The following C9orf85 variants were observed in gnomAD, a reference collection of about 807,000 sequenced individuals.
C9orf85 encodes the protein chromosome 9 open reading frame 85, also known as uncharacterized protein C9orf85.
Under a neutral mutation model 14.9 loss-of-function variants are expected in C9orf85, and 16 were observed. That is an observed-to-expected ratio of 1.08 (90% CI 0.73 to 1.63). C9orf85 has a LOEUF of 1.63. Among genes scored for constraint, C9orf85 ranks in the 40% most tolerant of loss-of-function variants. The pLI is 0.00. For synonymous variants in C9orf85, 45 were observed against 56.8 expected, an observed-to-expected ratio of 0.79 and a Z score of 0.93; for missense variants, 172 against 186.1, an observed-to-expected ratio of 0.92 and a Z score of 0.44.
rs145335603 is a variant in C9orf85, at chr9:71,957,350, A to T, written c.209+10238A>T. Among the ~76,000 whole-genome samples, 119 of 152,300 alleles carry T rather than the reference A, an allele frequency of 7.8e-4. 2 individuals carry two copies. The highest frequency in any genetic ancestry group is 2.8e-3 in the African/African-American group (115 of 41,570). ...GACAGAAGAATTGGTATTTTTAAGCATTGAGTTAAATTTTGCACCAAACTC... is the reference window on the plus strand; with the variant it reads ...GACAGAAGAATTGGTATTTTTAAGCTTTGAGTTAAATTTTGCACCAAACTC... On this transcript the variant is annotated intron_variant, in intron 2 of 3. Transcript: ENST00000334731.
chr9:71,952,133 G>GT (rs1402981343), intron 2 of C9orf85, among the ~76,000 whole-genome samples: 1 of 152,162 alleles, frequency 6.6e-6, no homozygotes, highest in Admixed American at 6.5e-5. Context: ...GCAGATGGAG[G>GT]TAAGATTCAA....
Position 71,913,649 on chromosome 9 carries a change from G to A in C9orf85, c.102+1813G>A, listed in dbSNP as rs146183829. On this transcript the variant is annotated intron_variant, in intron 1 of 3. Coordinates refer to ENST00000334731, the MANE Select transcript of C9orf85 (RefSeq NM_182505.5). Reference sequence around the variant, plus strand: ...TGCACTATTCCAAATAGATGTCTGCGTCTTGTGTATTCTTACCCTAAGGTT... The same window carrying A: ...TGCACTATTCCAAATAGATGTCTGCATCTTGTGTATTCTTACCCTAAGGTT... Among the ~76,000 whole-genome samples the A allele has an allele frequency of 9.6e-4, 146 of 152,238 alleles. 1 individual carries two copies. The highest frequency in any genetic ancestry group is 3.4e-3 in the African/African-American group (142 of 41,532).
At chr9:71,977,250 A>C (rs1470646096), downstream of C9orf85, among the ~76,000 whole-genome samples, 1 of 152,166 alleles carries the variant, frequency 6.6e-6, no homozygotes, top group Non-Finnish European at 1.5e-5. Context: ...ACGTCTCATT[A>C]GACATTTAAT....
intron 1 of C9orf85, among the ~76,000 whole-genome samples, chr9:71,924,227 CA>C (rs995563779): frequency 1.1e-4 from 17 of 152,176 alleles, no homozygotes; most frequent in African/African-American, 4.1e-4. Flanking sequence ...TTGATTTTCT[CA>C]ACCTTAGTCC....
intron 1 of C9orf85, among the ~76,000 whole-genome samples, chr9:71,918,775 G>A (rs777325080): frequency 1.1e-4 from 16 of 152,136 alleles, no homozygotes; most frequent in Non-Finnish European, 1.9e-4. Context: ...AGATGGGACC[G>A]TCTAGTTGCA....
chr9:71,946,822 T>C (rs183672591), intron 1 of C9orf85, among the ~76,000 whole-genome samples, 184 bp from the exon 2 acceptor site: 2 of 151,672 alleles, frequency 1.3e-5, no homozygotes, highest in Admixed American at 6.6e-5. Flanking sequence ...AAAGAACGAT[T>C]GCCTTTGTAA....
chr9:71,964,272 A>G (rs1271759900), intron 2 of C9orf85, among the ~76,000 whole-genome samples: 4 of 152,106 alleles, frequency 2.6e-5, no homozygotes, highest in African/African-American at 9.7e-5. Flanking sequence ...ACCAATCAGC[A>G]GGATGTGGGT....
At chr9:71,913,738 G>C (rs1266904685) in intron 1 of C9orf85, among the ~76,000 whole-genome samples, 2 of 149,272 alleles carry the variant, frequency 1.3e-5, no homozygotes, top group Non-Finnish European at 1.5e-5. Flanking sequence ...GTTTTAATGA[G>C]TATTTAACTA....
intron 2 of C9orf85, among the ~76,000 whole-genome samples, chr9:71,953,538 C>G (rs921577640): frequency 7.9e-5 from 12 of 152,148 alleles, no homozygotes; most frequent in African/African-American, 2.9e-4. Flanking sequence ...TGCTTTATTC[C>G]TTAAAAAACT....
chr9:71,951,885 A>T (rs1379508295), intron 2 of C9orf85, among the ~76,000 whole-genome samples: 1 of 152,126 alleles, frequency 6.6e-6, no homozygotes, highest in Non-Finnish European at 1.5e-5. Context: ...AGTAATGCCT[A>T]TGAAAAAAAT....
At chr9:71,948,204 A>C (rs1822148652) in intron 2 of C9orf85, among the ~76,000 whole-genome samples, 1 of 152,174 alleles carries the variant, frequency 6.6e-6, no homozygotes, top group Non-Finnish European at 1.5e-5. Flanking sequence ...CAATAGTTTC[A>C]TCATCTTTGA....
At chr9:71,981,850 A>G (rs1416472542) in intron 3 of C9orf85, among the ~76,000 whole-genome samples, 4 of 152,168 alleles carry the variant, frequency 2.6e-5, no homozygotes, top group African/African-American at 9.7e-5. Flanking sequence ...AAATTGTATG[A>G]AAGCTTTTCT....
At chr9:71,935,937 G>A (rs1001015966) in intron 1 of C9orf85, among the ~76,000 whole-genome samples, 1 of 151,722 alleles carries the variant, frequency 6.6e-6, no homozygotes, top group Admixed American at 6.6e-5. Flanking sequence ...TGGCTGTTTG[G>A]TCTCACTCCC....
At chr9:71,977,438 G>C (rs1390552909), downstream of C9orf85, among the ~76,000 whole-genome samples, 1 of 152,120 alleles carries the variant, frequency 6.6e-6, no homozygotes, top group Non-Finnish European at 1.5e-5. Context: ...TTGGTTGTTT[G>C]ATTACATTCT....
chr9:71,962,530 A>G lies in C9orf85; in HGVS notation c.210-8975A>G, dbSNP rs554827811. 3.3e-5 allele frequency among the ~76,000 whole-genome samples: 5 copies of G among 152,362 alleles called. No homozygotes were observed. In the South Asian group the frequency reaches 1.0e-3, roughly 32 times the overall value. On this transcript the variant is annotated intron_variant, in intron 2 of 3. Coordinates refer to ENST00000334731, the MANE Select transcript of C9orf85 (RefSeq NM_182505.5). ...CTGTTTACAAAAGTACCTCGTCATC[A>G]CATACATGAAAGTACGACAGGAGCT...
intron 1 of C9orf85, among the ~76,000 whole-genome samples, chr9:71,935,530 C>T (rs1828167922): frequency 6.6e-6 from 1 of 151,674 alleles, no homozygotes; most frequent in East Asian, 1.9e-4. Context: ...CAGTGGCTCA[C>T]ACCTATAATC....
intron 1 of C9orf85, among the ~76,000 whole-genome samples, chr9:71,927,066 A>G (rs1022695502): frequency 6.6e-6 from 1 of 152,062 alleles, no homozygotes; most frequent in Non-Finnish European, 1.5e-5. Context: ...AGAAATTGCT[A>G]CCCTCTTTCA....
chr9:71,966,240 T>G (rs756008047), intron 2 of C9orf85, among the ~76,000 whole-genome samples: 3 of 152,230 alleles, frequency 2.0e-5, no homozygotes, highest in African/African-American at 4.8e-5. Context: ...CTGAATCTGC[T>G]GTGATTCTGG....
chr9:71,923,214 C>T (rs575876851), intron 1 of C9orf85, among the ~76,000 whole-genome samples: 49 of 152,286 alleles, frequency 3.2e-4, no homozygotes, highest in African/African-American at 8.7e-4. Context: ...TGTCCATTAG[C>T]CCTTCTACTT....
Sources: allele counts gnomAD v4.1 joint callset (sites outside exome capture counted in the v4.1 genomes callset), GRCh38; gene constraint gnomAD v4.1.1; transcripts MANE v1.5; gene names NCBI Gene and HGNC (gene_info 2026-07-23, HGNC 2026-07-21).